The following DNM3 variants were observed in gnomAD, a reference collection of about 807,000 sequenced individuals.
DNM3 encodes the protein dynamin-3.
DNM3 carries 47 observed loss-of-function variants against 101.6 expected under a neutral mutation model. The observed-to-expected ratio is 0.46, with a 90% CI of 0.37 to 0.59. DNM3 has a LOEUF of 0.59. DNM3 is among the 20% of genes least tolerant of loss of function. The pLI is 0.00. For missense variants in DNM3, 849 were observed against 1,085.7 expected (o/e 0.78, Z 3.06); for synonymous variants, 385 against 387.9 (o/e 0.99, Z 0.09).
At chr1:172,079,247 A>G (rs1558535180) in intron 11 of DNM3, among the ~76,000 whole-genome samples, 1 of 152,164 alleles carries the variant, frequency 6.6e-6, no homozygotes, top group Non-Finnish European at 1.5e-5. Context: ...CGTCACTTTC[A>G]GGTACACCAA....
chr1:172,079,823 T>TTGATGA (rs950752653), intron 11 of DNM3, among the ~76,000 whole-genome samples: 34 of 152,132 alleles, frequency 2.2e-4, no homozygotes, highest in African/African-American at 8.2e-4. Flanking sequence ...ACACCTTTTT[T>TTGATGA]TGATGCTGAT....
At position 172,204,731 on chromosome 1, in the gene DNM3, C is replaced by T. The variant is rs188873281; in HGVS notation, c.1660-48842C>T. The stretch of plus-strand genomic sequence containing the variant: ...CTGATGGTCTTTTCTTTCTCAAATA[C>T]GGTCCCTCCTCTCAATCTTCTGGCT... On this transcript the variant is annotated intron_variant, in intron 14 of 20. Transcript: ENST00000627582. Among the ~76,000 whole-genome samples, 365 of 152,202 alleles carry T rather than the reference C, an allele frequency of 2.4e-3. 1 individual carries two copies. Among genetic ancestry groups the T allele is most frequent in the African/African-American group, 8.4e-3 (351 of 41,564 alleles).
intron 2 of DNM3, among the ~76,000 whole-genome samples, chr1:171,933,920 G>A (rs1008545982): frequency 8.5e-5 from 13 of 152,148 alleles, no homozygotes; most frequent in Non-Finnish European, 7.4e-5. Context: ...TACTTTTAGC[G>A]GTAGAGAGTT....
intron 14 of DNM3, among the ~76,000 whole-genome samples, chr1:172,172,905 C>T: frequency 6.6e-6 from 1 of 151,736 alleles, no homozygotes; most frequent in Admixed American, 6.6e-5. Context: ...CCAGTTTTTC[C>T]AAACTTGGCA....
chr1:172,113,492 TG>T (rs2055643765), intron 13 of DNM3, among the ~76,000 whole-genome samples: 1 of 151,790 alleles, frequency 6.6e-6, no homozygotes, highest in Non-Finnish European at 1.5e-5. Flanking sequence ...TGGTGGCGGG[TG>T]CCTGTAATCC....
At chr1:171,889,593 G>C (rs1190754719) in intron 1 of DNM3, among the ~76,000 whole-genome samples, 1 of 152,172 alleles carries the variant, frequency 6.6e-6, no homozygotes, top group Non-Finnish European at 1.5e-5. Flanking sequence ...GAAAGAATTT[G>C]CATGAAGGTT....
chr1:172,100,966 G>A (rs923782730), intron 13 of DNM3, among the ~76,000 whole-genome samples: 9 of 152,168 alleles, frequency 5.9e-5, no homozygotes, highest in African/African-American at 1.4e-4. Flanking sequence ...TTGGACTGGC[G>A]TGGATCATGT....
chr1:172,311,052 C>A (rs2065056940), intron 16 of DNM3: 1 of 152,018 alleles, frequency 6.6e-6, no homozygotes, highest in Non-Finnish European at 1.5e-5. Context: ...TAACAGTAGT[C>A]TTTTATAGGG....
intron 1 of DNM3, among the ~76,000 whole-genome samples, chr1:171,850,350 T>C (rs1290347520): frequency 1.3e-5 from 2 of 152,206 alleles, no homozygotes; most frequent in East Asian, 3.8e-4. Flanking sequence ...AATTACATTA[T>C]TTTTAAGTTA....
intron 1 of DNM3, among the ~76,000 whole-genome samples, chr1:171,863,752 A>C (rs765026963): frequency 1.6e-4 from 25 of 152,134 alleles, no homozygotes; most frequent in Non-Finnish European, 2.5e-4. Context: ...AGCGTTACAC[A>C]TGTTCCCCTC....
chr1:172,177,109 T>A lies in DNM3; in HGVS notation c.1659+45821T>A, dbSNP rs184264386. Among the ~76,000 whole-genome samples, 528 of 151,860 alleles carry A rather than the reference T, an allele frequency of 3.5e-3. 1 individual carries two copies. Among genetic ancestry groups the A allele is most frequent in the African/African-American group, 0.012 (503 of 41,470 alleles). ...TTTTGAGTTTGAGAGAACAATGATA[T>A]AATTCTGAAAATGTATTTTTTTCCA... is the stretch of plus-strand genomic sequence containing the variant. On this transcript the variant is annotated intron_variant, in intron 14 of 20. Coordinates refer to ENST00000627582, the MANE Select transcript of DNM3 (RefSeq NM_015569.5).
intron 14 of DNM3, among the ~76,000 whole-genome samples, chr1:172,225,110 A>G (rs149676447): frequency 7.6e-6 from 1 of 130,758 alleles, no homozygotes; most frequent in African/African-American, 2.9e-5. Flanking sequence ...CTTTGGTGGC[A>G]TGTCCCTCCT....
At chr1:172,315,022 G>A (rs1309436983) in intron 16 of DNM3, among the ~76,000 whole-genome samples, 3 of 151,982 alleles carry the variant, frequency 2.0e-5, no homozygotes, top group East Asian at 1.9e-4. Context: ...TCACACGGCC[G>A]GGTACTCCTC....
chr1:172,276,532 T>C (rs2063292433), intron 15 of DNM3, among the ~76,000 whole-genome samples: 1 of 143,730 alleles, frequency 7.0e-6, no homozygotes, highest in African/African-American at 2.6e-5. Context: ...AATTAGCTTG[T>C]AATAATCACA....
intron 17 of DNM3, among the ~76,000 whole-genome samples, chr1:172,354,100 T>TGAGA (rs2067315750): frequency 3.7e-5 from 2 of 53,814 alleles, no homozygotes; most frequent in African/African-American, 1.6e-4. Flanking sequence ...TGTGTGTGTG[T>TGAGA]GTGTGTGTGT....
intron 14 of DNM3, chr1:172,138,221 C>T (rs1367167671): frequency 6.6e-6 from 1 of 151,944 alleles, no homozygotes; most frequent in Non-Finnish European, 1.5e-5. Flanking sequence ...GTAGTCTTTT[C>T]ACTGTGTTTT....
At chr1:171,907,783 A>G (rs2038954305) in intron 1 of DNM3, among the ~76,000 whole-genome samples, 1 of 152,204 alleles carries the variant, frequency 6.6e-6, no homozygotes. Context: ...CTGTAACTCC[A>G]GTGGGACTTA....
At chr1:172,348,343 CAA>C (rs1234204877) in intron 17 of DNM3, among the ~76,000 whole-genome samples, 1 of 151,896 alleles carries the variant, frequency 6.6e-6, no homozygotes, top group African/African-American at 2.4e-5. Flanking sequence ...TAATAAGTAA[CAA>C]CAAGACACAT....
chr1:172,053,276 C>G (rs564369371), intron 10 of DNM3, among the ~76,000 whole-genome samples: 4 of 151,950 alleles, frequency 2.6e-5, no homozygotes, highest in Admixed American at 2.0e-4. Context: ...ATAAGTGATT[C>G]CTTTTGTCTA....
Sources: gnomAD v4.1 joint callset for allele counts (sites outside exome capture counted in the v4.1 genomes callset) on GRCh38, gnomAD v4.1.1 for gene constraint, MANE v1.5 for transcripts, NCBI Gene and HGNC (gene_info 2026-07-23, HGNC 2026-07-21) for gene names.